The following TNS1 variants were observed in gnomAD, a reference collection of about 807,000 sequenced individuals.
TNS1 encodes the protein tensin-1.
TNS1 carries 62 observed loss-of-function variants against 168.6 expected under a neutral mutation model. The observed-to-expected ratio is 0.37, with a 90% CI of 0.30 to 0.45. The LOEUF is 0.45. TNS1 is among the 20% of genes least tolerant of loss of function. The pLI is 1.00. For synonymous variants in TNS1, 934 were observed against 933.2 expected, an observed-to-expected ratio of 1.00 and a Z score of -0.02; for missense variants, 2,240 against 2,339.4, an observed-to-expected ratio of 0.96 and a Z score of 0.88.
chr2:218,016,049 G>C (rs1044702571), intron 1 of TNS1, among the ~76,000 whole-genome samples: 1 of 152,122 alleles, frequency 6.6e-6, no homozygotes, highest in Non-Finnish European at 1.5e-5. Flanking sequence ...AGGAGGGCCA[G>C]GGAAAGGGGG....
At chr2:217,854,259 T>C (rs1441244354) in intron 18 of TNS1, among the ~76,000 whole-genome samples, 2 of 152,174 alleles carry the variant, frequency 1.3e-5, no homozygotes, top group African/African-American at 4.8e-5. Flanking sequence ...CTTATTTAGA[T>C]GTTAGGACAG....
intron 4 of TNS1, among the ~76,000 whole-genome samples, chr2:217,912,216 C>T (rs1463504775): frequency 2.0e-5 from 3 of 152,016 alleles, no homozygotes; most frequent in Non-Finnish European, 4.4e-5. Context: ...GGAGGGTGGG[C>T]TGGGAAAAAT....
At chr2:218,011,538 C>A (rs1958706314), upstream of TNS1, among the ~76,000 whole-genome samples, 1 of 152,112 alleles carries the variant, frequency 6.6e-6, no homozygotes, top group Non-Finnish European at 1.5e-5. Flanking sequence ...GGCTGGGCTG[C>A]CCTAGCACCA....
At chr2:217,904,688 A>G (rs1953446771) in intron 6 of TNS1, among the ~76,000 whole-genome samples, 1 of 152,198 alleles carries the variant, frequency 6.6e-6, no homozygotes, top group African/African-American at 2.4e-5. Context: ...CTAAACGGCC[A>G]CCTCTTTCTT....
intron 1 of TNS1, among the ~76,000 whole-genome samples, chr2:218,028,148 A>AAAAAG (rs1958865149): frequency 6.6e-6 from 1 of 152,186 alleles, no homozygotes; most frequent in Non-Finnish European, 1.5e-5. Flanking sequence ...TTCAAACCTC[A>AAAAAG]AAAAGTCCTT....
chr2:217,882,612 C>T (rs1950788882), intron 16 of TNS1, among the ~76,000 whole-genome samples: 1 of 152,116 alleles, frequency 6.6e-6, no homozygotes, highest in South Asian at 2.1e-4. Flanking sequence ...TAGCCCCTGT[C>T]CTACTTGCCT....
intron 22 of TNS1, among the ~76,000 whole-genome samples, chr2:217,831,092 T>C (rs1320741557): frequency 6.6e-6 from 1 of 152,098 alleles, no homozygotes; most frequent in Non-Finnish European, 1.5e-5. Context: ...TGTGTGTACA[T>C]GTGTGTGTAC....
chr2:217,867,091 A>G (rs1427281630), intron 18 of TNS1, among the ~76,000 whole-genome samples: 1 of 152,224 alleles, frequency 6.6e-6, no homozygotes, highest in African/African-American at 2.4e-5. Context: ...AATAGGAACA[A>G]GAGAACTCAG....
At chr2:218,003,879 C>T (rs2105986361), upstream of TNS1, among the ~76,000 whole-genome samples, 1 of 151,970 alleles carries the variant, frequency 6.6e-6, no homozygotes, top group Non-Finnish European at 1.5e-5. Context: ...ACCAGCCCTC[C>T]CCTCCCCTCG....
chr2:217,836,563 G>A (rs965403316), intron 19 of TNS1, among the ~76,000 whole-genome samples: 1 of 152,184 alleles, frequency 6.6e-6, no homozygotes, highest in Non-Finnish European at 1.5e-5. Context: ...GGGAGGTGGA[G>A]GGAAAAGACA....
At chr2:217,907,683 G>A (rs543579280) in intron 4 of TNS1, among the ~76,000 whole-genome samples, 2 of 152,252 alleles carry the variant, frequency 1.3e-5, no homozygotes, top group African/African-American at 4.8e-5. Flanking sequence ...TAATAGAGAC[G>A]GCAGGATTTG....
At chr2:217,954,459 G>T (rs986270160) in intron 3 of TNS1, among the ~76,000 whole-genome samples, 1 of 152,180 alleles carries the variant, frequency 6.6e-6, no homozygotes, top group Non-Finnish European at 1.5e-5. Context: ...GGTGCTCCGG[G>T]TACTCTATCT....
At chr2:218,028,103 C>T (rs1958864846) in intron 1 of TNS1, among the ~76,000 whole-genome samples, 1 of 152,250 alleles carries the variant, frequency 6.6e-6, no homozygotes, top group African/African-American at 2.4e-5. Flanking sequence ...CCAGCCCCAG[C>T]TGGTCACCAG....
chr2:217,818,469 G>C lies in TNS1; in HGVS notation c.3863C>G (p.Thr1288Arg). The C allele has an allele frequency of 6.2e-7, 1 of 1,614,246 alleles. No homozygotes were observed. The highest frequency in any genetic ancestry group is 8.5e-7 in the Non-Finnish European group (1 of 1,180,040). The stretch of plus-strand genomic sequence containing the variant: ...ACTAGGGGGAGTGTTGGTGCCCACT[G>C]TTCTGTGGCGCGCCTGAGGGCTCCC... ...VPGSPQARHR[T>R]VGTNTPPSPG... Residue 1288 changes from threonine to arginine, a missense_variant, in exon 24 of 33, where the codon ACA (threonine) becomes AGA (arginine). Thr to Arg is a moderately conservative substitution (Grantham distance 71). This residue lies in a region of TNS1 where 2,131 missense variants were observed against 2,171.2 expected (regional missense o/e 0.98). Transcript: ENST00000682258.
In TNS1 at chr2:217,948,141, A is replaced by T. The variant is rs966445343; in HGVS notation, c.187-27905T>A. Among the ~76,000 whole-genome samples the T allele has an allele frequency of 2.6e-5, 4 of 152,166 alleles. No individual in the cohort carries two copies. The highest frequency in any genetic ancestry group is 2.6e-4 in the Admixed American group (4 of 15,284). On this transcript the variant is annotated intron_variant, in intron 3 of 32. Coordinates refer to ENST00000682258, the MANE Select transcript of TNS1 (RefSeq NM_001387777.1). This position sits in a 1 kb window ranked among gnomAD's most constrained non-coding sequence, Gnocchi z 4.1. ...CCGACTCCCACACTCAAGGAGCCAG[A>T]CTCTCAGGTTCTTACAGCACTAAGG...
intron 1 of TNS1, among the ~76,000 whole-genome samples, chr2:218,016,924 G>C (rs1292682773): frequency 6.6e-6 from 1 of 152,222 alleles, no homozygotes; most frequent in East Asian, 1.9e-4. Context: ...TGAAGGGCCA[G>C]CATCCTGGAG....
chr2:217,984,842 A>C (rs1174616507), intron 2 of TNS1, among the ~76,000 whole-genome samples: 3 of 135,512 alleles, frequency 2.2e-5, no homozygotes, highest in South Asian at 2.4e-4. Context: ...TGCAACCTCC[A>C]CCTCCCGGGT....
intron 6 of TNS1, among the ~76,000 whole-genome samples, chr2:217,903,242 C>G (rs529061611): frequency 6.6e-6 from 1 of 152,192 alleles, no homozygotes; most frequent in African/African-American, 2.4e-5. Flanking sequence ...AGTGAAGTCC[C>G]TGACCTCAGA....
chr2:217,836,524 C>A (rs774863796), intron 19 of TNS1, among the ~76,000 whole-genome samples: 3 of 152,266 alleles, frequency 2.0e-5, no homozygotes, highest in South Asian at 2.1e-4. Context: ...CCCCTGGAGG[C>A]GGAGGGCCAG....
Sources: gnomAD v4.1 joint callset for allele counts (sites outside exome capture counted in the v4.1 genomes callset) on GRCh38, gnomAD v4.1.1 for gene constraint, gnomAD v4.1.1 regional missense constraint, Gnocchi (gnomAD v3.1) non-coding constraint, MANE v1.5 for transcripts, NCBI Gene and HGNC (gene_info 2026-07-23, HGNC 2026-07-21) for gene names.